Variants in SLC25A48 observed in about 807,000 individuals in gnomAD.
The protein encoded by SLC25A48 is CTC-321K16.1.
In SLC25A48, 29 loss-of-function variants were observed where a neutral mutation model predicts 32.2. The observed-to-expected ratio is 0.90, with a 90% CI of 0.67 to 1.23. SLC25A48 has a LOEUF of 1.23. Among genes scored for constraint, SLC25A48 ranks in the 50% most tolerant of loss-of-function variants. The pLI is 0.00. For missense variants in SLC25A48, 399 were observed against 422.7 expected (o/e 0.94, Z 0.49); for synonymous variants, 164 against 172.3 (o/e 0.95, Z 0.38).
chr5:135,779,521 C>CAGAGATTGAGAGGA (rs1425596801), intron 3 of SLC25A48, among the ~76,000 whole-genome samples: 60 of 120,354 alleles, frequency 5.0e-4, no homozygotes, highest in Non-Finnish European at 6.8e-4. Flanking sequence ...AGGGGGTGTA[C>CAGAGATTGAGAGGA]ATGCCCCCCT....
intron 3 of SLC25A48, among the ~76,000 whole-genome samples, chr5:135,696,760 C>A (rs1288544709): frequency 6.6e-6 from 1 of 152,182 alleles, no homozygotes; most frequent in African/African-American, 2.4e-5. Context: ...CAGGTATGCT[C>A]AGGGCTAGCC....
At chr5:135,643,331 T>TG (rs1365183834) in intron 3 of SLC25A48, among the ~76,000 whole-genome samples, 3 of 152,214 alleles carry the variant, frequency 2.0e-5, no homozygotes, top group South Asian at 4.1e-4. Flanking sequence ...CACAAGACTC[T>TG]GTGAAGAGAA....
intron 3 of SLC25A48, among the ~76,000 whole-genome samples, chr5:135,789,393 G>A (rs954782528): frequency 6.6e-6 from 1 of 150,914 alleles, no homozygotes; most frequent in Non-Finnish European, 1.5e-5. Flanking sequence ...AAGAGAGGGT[G>A]TTATTACTCC....
At chr5:135,621,347 A>C (rs1183681176) in intron 1 of SLC25A48, among the ~76,000 whole-genome samples, 1 of 152,250 alleles carries the variant, frequency 6.6e-6, no homozygotes, top group African/African-American at 2.4e-5. Context: ...TTTCTAAATT[A>C]TGTTTTCAGT....
rs1438432539 is a variant in SLC25A48 at position 135,782,569 on chromosome 5, T to C, written c.-520-29954T>C. 1.7e-5 allele frequency among the ~76,000 whole-genome samples: 2 copies of C among 115,560 alleles called. 1 individual carries two copies. Among genetic ancestry groups the C allele is most frequent in the Non-Finnish European group, 4.3e-5 (2 of 46,674 alleles). The allele number at this position is 115,560 out of a possible 152,430, so 75.8% of individuals were successfully genotyped here. On this transcript the variant is annotated intron_variant, in intron 3 of 10. Transcript: ENST00000646290. ...ATTACTTTTAATATGGTAGGGAGGGTGGTTAACCCACCCTGTGAGAGTGTT... is the reference window on the plus strand; with the variant it reads ...ATTACTTTTAATATGGTAGGGAGGGCGGTTAACCCACCCTGTGAGAGTGTT...
intron 5 of SLC25A48, among the ~76,000 whole-genome samples, chr5:135,873,004 C>T (rs557826487): frequency 6.6e-6 from 1 of 152,210 alleles, no homozygotes; most frequent in African/African-American, 2.4e-5. Flanking sequence ...TTGCAGAGAG[C>T]AGGTGTGAAT....
Position 135,677,844 on chromosome 5 carries a change from A to T in SLC25A48, c.-521+42888A>T, listed in dbSNP as rs193102153. Among the ~76,000 whole-genome samples the T allele has an allele frequency of 3.6e-3, 548 of 152,272 alleles. 3 individuals carry two copies. Among genetic ancestry groups the T allele is most frequent in the African/African-American group, 0.012 (502 of 41,572 alleles). The stretch of plus-strand genomic sequence containing the variant: ...TTCAGCACTTTGACTATGTGATCCC[A>T]TTCTTTCCTCACCTGTAAGGTTTCT... On this transcript the variant is annotated intron_variant, in intron 3 of 10. Coordinates refer to the SLC25A48 transcript ENST00000646290.
intron 1 of SLC25A48, among the ~76,000 whole-genome samples, chr5:135,590,599 G>A (rs1751498912): frequency 6.6e-6 from 1 of 152,180 alleles, no homozygotes; most frequent in African/African-American, 2.4e-5. Flanking sequence ...AGGGCTGGGG[G>A]CTGAGCTAGT....
chr5:135,694,706 C>A (rs4379183), intron 3 of SLC25A48, among the ~76,000 whole-genome samples: 117,515 of 151,776 alleles, frequency 0.77, 46,037 homozygotes, highest in Middle Eastern at 0.87. Context: ...TCCTGCTCAG[C>A]CTCCTGAGTA....
intron 3 of SLC25A48, among the ~76,000 whole-genome samples, chr5:135,787,022 G>A (rs1053899201): frequency 6.6e-6 from 1 of 151,936 alleles, no homozygotes. Context: ...TCTCCTAGGG[G>A]GATGTTACTT....
At chr5:135,658,400 A>G (rs564725410) in intron 3 of SLC25A48, among the ~76,000 whole-genome samples, 1 of 152,174 alleles carries the variant, frequency 6.6e-6, no homozygotes, top group Non-Finnish European at 1.5e-5. Flanking sequence ...TGGGCTCCCA[A>G]GGCCTTGGGC....
In SLC25A48 at chr5:135,782,154, A is replaced by G; in HGVS notation, c.-520-30369A>G. Among the ~76,000 whole-genome samples the G allele has an allele frequency of 1.7e-5, 2 of 116,582 alleles. 1 individual carries two copies. The highest frequency in any genetic ancestry group is 1.8e-4 in the Admixed American group (2 of 11,354). 76.5% of individuals were successfully genotyped at this position (116,582 alleles called of 152,430 possible). A position where few individuals can be genotyped will look rare whatever the true frequency, so the allele number is the denominator to read the frequency against. On this transcript the variant is annotated intron_variant, in intron 3 of 10. Transcript: ENST00000646290. Reference sequence around the variant, plus strand: ...CCCTGTGATATTGTTCCTAATATCAAGGAGGGGAGACGATATTATTCCCAA... The same window carrying G: ...CCCTGTGATATTGTTCCTAATATCAGGGAGGGGAGACGATATTATTCCCAA...
intron 1 of SLC25A48, among the ~76,000 whole-genome samples, chr5:135,596,407 A>G (rs570434567): frequency 6.6e-6 from 1 of 152,272 alleles, no homozygotes; most frequent in East Asian, 1.9e-4. Context: ...CCAAGGAAAA[A>G]TCTCTGGGGA....
At chr5:135,705,229 A>G (rs1273088517) in intron 3 of SLC25A48, among the ~76,000 whole-genome samples, 1 of 152,232 alleles carries the variant, frequency 6.6e-6, no homozygotes, top group Non-Finnish European at 1.5e-5. Context: ...CACAGAGAGC[A>G]GTGGCCCTTG....
chr5:135,848,701 C>T (rs556294630), intron 2 of SLC25A48, among the ~76,000 whole-genome samples: 1 of 152,260 alleles, frequency 6.6e-6, no homozygotes, highest in South Asian at 2.1e-4. Flanking sequence ...CTGCTGAATT[C>T]CCTGAGACTG....
intron 3 of SLC25A48, among the ~76,000 whole-genome samples, chr5:135,685,736 T>A (rs1466479044): frequency 6.6e-6 from 1 of 152,232 alleles, no homozygotes; most frequent in Non-Finnish European, 1.5e-5. Flanking sequence ...TGTAAGGACC[T>A]TTTAAAGAAT....
At chr5:135,781,581 G>A (rs1178347676) in intron 3 of SLC25A48, among the ~76,000 whole-genome samples, 3 of 117,226 alleles carry the variant, frequency 2.6e-5, no homozygotes, top group Admixed American at 8.7e-5. Flanking sequence ...CGCAGTGGGT[G>A]TATAACTCCC....
Position 135,760,869 on chromosome 5 carries a change from C to T in SLC25A48, c.-520-51654C>T, listed in dbSNP as rs146547251. On this transcript the variant is annotated intron_variant, in intron 3 of 10. Coordinates refer to the SLC25A48 transcript ENST00000646290. ...TGTGTATAACCCGTGTGCATTTTTC[C>T]CTGGTGTAAAGAAAAATAAGAACCT... Among the ~76,000 whole-genome samples the T allele has an allele frequency of 4.7e-3, 716 of 152,104 alleles. 3 individuals carry two copies. The highest frequency in any genetic ancestry group is 0.014 in the Middle Eastern group (4 of 294).
intron 3 of SLC25A48, among the ~76,000 whole-genome samples, chr5:135,757,391 A>G (rs939077254): frequency 6.7e-6 from 1 of 149,586 alleles, no homozygotes; most frequent in African/African-American, 2.4e-5. Flanking sequence ...TATGACATTT[A>G]TAATGTCTAC....
Sources: allele counts gnomAD v4.1 joint callset (sites outside exome capture counted in the v4.1 genomes callset), GRCh38; gene constraint gnomAD v4.1.1; transcripts MANE v1.5; gene names NCBI Gene and HGNC (gene_info 2026-07-23, HGNC 2026-07-21).